Variants in PTPRD observed in about 807,000 individuals in gnomAD.
PTPRD encodes the protein protein tyrosine phosphatase receptor type D, also known as receptor-type tyrosine-protein phosphatase delta.
A neutral mutation model predicts 214.5 loss-of-function variants in PTPRD; 34 were observed. The observed-to-expected ratio is 0.16, with a 90% CI of 0.12 to 0.21. The LOEUF is 0.21. PTPRD is among the 10% of genes least tolerant of loss of function. The pLI, the probability that PTPRD is intolerant of heterozygous loss-of-function variation, is 1.00. For synonymous variants in PTPRD, 1,128 were observed against 845.7 expected, an observed-to-expected ratio of 1.33 and a Z score of -5.79; for missense variants, 2,545 against 2,398.7, an observed-to-expected ratio of 1.06 and a Z score of -1.27.
At chr9:10,590,750 G>C (rs1405424597) in intron 2 of PTPRD, among the ~76,000 whole-genome samples, 1 of 151,628 alleles carries the variant, frequency 6.6e-6, no homozygotes, top group African/African-American at 2.4e-5. Context: ...CCTCTATACA[G>C]GCACTCCCCC....
chr9:8,435,360 T>G (rs2095299569), intron 35 of PTPRD, among the ~76,000 whole-genome samples: 1 of 152,106 alleles, frequency 6.6e-6, no homozygotes. Flanking sequence ...GGTAGAATGT[T>G]AGCGCTGGTA....
chr9:8,725,846 C>G (rs2098550690), intron 12 of PTPRD, among the ~76,000 whole-genome samples: 1 of 152,144 alleles, frequency 6.6e-6, no homozygotes, highest in Non-Finnish European at 1.5e-5. Context: ...GGTCCACATT[C>G]TTTATGCATT....
At chr9:9,402,086 G>C (rs377449477) in intron 8 of PTPRD, among the ~76,000 whole-genome samples, 1 of 152,022 alleles carries the variant, frequency 6.6e-6, no homozygotes, top group African/African-American at 2.4e-5. Context: ...ACGAAAGTTG[G>C]TTCATTTTTG....
In PTPRD at chr9:9,171,567, A is replaced by C. The variant is rs576693535; in HGVS notation, c.-143+11737T>G. 7.2e-5 allele frequency among the ~76,000 whole-genome samples: 11 copies of C among 152,052 alleles called. No homozygotes were observed. The South Asian group carries it at 2.3e-3, about 32-fold the overall frequency. ...TGTCATAAATGGAAAGTTTGGAGGA[A>C]ACAATCATGAATACGTGGAAAGCAG... On this transcript the variant is annotated intron_variant, in intron 10 of 45. Coordinates refer to ENST00000381196, the MANE Select transcript of PTPRD (RefSeq NM_002839.4).
chr9:8,337,233 T>A (rs1430609489), intron 43 of PTPRD, among the ~76,000 whole-genome samples: 1 of 152,070 alleles, frequency 6.6e-6, no homozygotes. Flanking sequence ...ATAAAGAAAA[T>A]GTGGCACATA....
At chr9:9,022,161 T>TAA (rs56120804) in intron 10 of PTPRD, among the ~76,000 whole-genome samples, 4 of 143,228 alleles carry the variant, frequency 2.8e-5, no homozygotes, top group Non-Finnish European at 4.7e-5. Flanking sequence ...ATAAAAGATG[T>TAA]AAAAAAAAAT....
chr9:9,783,478 T>G (rs932104727), intron 5 of PTPRD, among the ~76,000 whole-genome samples: 2 of 152,096 alleles, frequency 1.3e-5, no homozygotes, highest in East Asian at 3.8e-4. Context: ...ACTTACAAAT[T>G]AAAATGTAAT....
chr9:9,212,697 G>C (rs563131221), intron 9 of PTPRD, among the ~76,000 whole-genome samples: 1 of 152,262 alleles, frequency 6.6e-6, no homozygotes, highest in East Asian at 1.9e-4. Context: ...TAATGAGTAT[G>C]TTTTGATTAT....
intron 9 of PTPRD, among the ~76,000 whole-genome samples, chr9:9,382,416 C>T (rs2062605477): frequency 6.6e-6 from 1 of 151,958 alleles, no homozygotes; most frequent in Non-Finnish European, 1.5e-5. Context: ...AAAATGTTTG[C>T]AAACCATATA....
At chr9:8,611,674 A>ACTCCAGCCAGC (rs929359115) in intron 14 of PTPRD, among the ~76,000 whole-genome samples, 1 of 151,550 alleles carries the variant, frequency 6.6e-6, no homozygotes, top group African/African-American at 2.4e-5. Flanking sequence ...CAGCCACTGC[A>ACTCCAGCCAGC]CTCCAGCCTG....
At chr9:10,239,358 GC>G (rs1255806446) in intron 3 of PTPRD, among the ~76,000 whole-genome samples, 5 of 151,826 alleles carry the variant, frequency 3.3e-5, no homozygotes, top group African/African-American at 1.2e-4. Flanking sequence ...ATGTATAGGT[GC>G]AAAAAAAGCA....
chr9:9,839,502 G>C (rs963003077), intron 5 of PTPRD, among the ~76,000 whole-genome samples: 1 of 152,048 alleles, frequency 6.6e-6, no homozygotes, highest in African/African-American at 2.4e-5. Flanking sequence ...CAAGGGACAT[G>C]AAGGACCTCT....
chr9:8,660,309 T>C (rs1307831687), intron 12 of PTPRD, among the ~76,000 whole-genome samples: 3 of 151,792 alleles, frequency 2.0e-5, no homozygotes, highest in Non-Finnish European at 4.4e-5. Context: ...TATTTAAAGG[T>C]TATAGGACTT....
intron 11 of PTPRD, among the ~76,000 whole-genome samples, chr9:8,972,431 C>T (rs1286872492): frequency 1.3e-5 from 2 of 151,392 alleles, no homozygotes; most frequent in East Asian, 3.9e-4. Context: ...TTAAATGAAT[C>T]AAACATACAT....
intron 11 of PTPRD, among the ~76,000 whole-genome samples, chr9:8,858,492 G>T (rs900966028): frequency 6.6e-6 from 1 of 152,054 alleles, no homozygotes; most frequent in Non-Finnish European, 1.5e-5. Context: ...GGGGAGGGGG[G>T]AAAATTAAAC....
chr9:8,692,609 T>A (rs1019093343), intron 12 of PTPRD, among the ~76,000 whole-genome samples: 1 of 152,212 alleles, frequency 6.6e-6, no homozygotes, highest in East Asian at 1.9e-4. Context: ...AAATGGCATA[T>A]TGAAATTAGC....
intron 2 of PTPRD, among the ~76,000 whole-genome samples, chr9:10,411,652 A>G (rs1318383918): frequency 6.6e-6 from 1 of 151,782 alleles, no homozygotes; most frequent in East Asian, 2.0e-4. Context: ...AAATTGCTGT[A>G]GTCATTTGCT....
intron 14 of PTPRD, among the ~76,000 whole-genome samples, chr9:8,537,452 G>C (rs940143270): frequency 1.6e-4 from 25 of 151,920 alleles, no homozygotes; most frequent in Non-Finnish European, 2.9e-4. Flanking sequence ...TTTTTCCCAA[G>C]GTCCTCTTTG....
intron 10 of PTPRD, among the ~76,000 whole-genome samples, chr9:9,132,300 T>C (rs1414185460): frequency 1.3e-5 from 2 of 152,254 alleles, no homozygotes; most frequent in African/African-American, 2.4e-5. Flanking sequence ...TGAGCCACCA[T>C]GCCAGGCCTG....
Sources: allele counts gnomAD v4.1 joint callset (sites outside exome capture counted in the v4.1 genomes callset), GRCh38; gene constraint gnomAD v4.1.1; transcripts MANE v1.5; gene names NCBI Gene and HGNC (gene_info 2026-07-23, HGNC 2026-07-21).